The following TBC1D19 variants were observed in gnomAD, a reference collection of about 807,000 sequenced individuals.
TBC1D19 encodes TBC1 domain family member 19.
In TBC1D19, 60 loss-of-function variants were observed where a neutral mutation model predicts 89.0. That is an observed-to-expected ratio of 0.67 (90% CI 0.55 to 0.84). TBC1D19 has a LOEUF of 0.84. Among genes scored for constraint, TBC1D19 ranks in the 40% least tolerant of loss-of-function variants. The pLI is 0.00. For synonymous variants in TBC1D19, 189 were observed against 199.7 expected (o/e 0.95, Z 0.45); for missense variants, 500 against 610.8 (o/e 0.82, Z 1.91).
chr4:26,631,949 A>G (rs1372640293), intron 4 of TBC1D19, among the ~76,000 whole-genome samples: 1 of 152,014 alleles, frequency 6.6e-6, no homozygotes, highest in Non-Finnish European at 1.5e-5. Context: ...AGAGTTGGTA[A>G]ATTGAAATTC....
intron 1 of TBC1D19, among the ~76,000 whole-genome samples, chr4:26,593,384 C>G (rs1169815975): frequency 2.6e-5 from 4 of 152,150 alleles, no homozygotes. Flanking sequence ...AGCATAAAAA[C>G]CCTAGAAGAA....
At chr4:26,661,885 T>C (rs1422677149) in intron 8 of TBC1D19, among the ~76,000 whole-genome samples, 1 of 152,128 alleles carries the variant, frequency 6.6e-6, no homozygotes, top group African/African-American at 2.4e-5. Flanking sequence ...AGGCACAACA[T>C]AGGGAAGTCT....
intron 9 of TBC1D19, 46 bp downstream of exon 9, chr4:26,666,451 A>C (rs1711817598): frequency 6.6e-7 from 1 of 1,512,878 alleles, no homozygotes; most frequent in East Asian, 2.3e-5. Flanking sequence ...AATGAGAGTG[A>C]GCCTAAGGTT....
chr4:26,748,404 C>T lies in TBC1D19; in HGVS notation c.1320-7C>T. 1 of 1,603,078 alleles carries T rather than the reference C, an allele frequency of 6.2e-7. No individual in the cohort carries two copies. Among genetic ancestry groups the T allele is most frequent in the African/African-American group, 1.3e-5 (1 of 74,688 alleles). On this transcript the variant is annotated splice_polypyrimidine_tract_variant and splice_region_variant and intron_variant, in intron 18 of 20. Transcript: ENST00000264866. ...GTACATTAATTTTTATTTTTCCTTG[C>T]TTATAGACTTCGCATATCATTTAAG...
chr4:26,835,781 T>C, the TBC1D19 span, among the ~76,000 whole-genome samples: 2 of 152,208 alleles, frequency 1.3e-5, no homozygotes, highest in Non-Finnish European at 1.5e-5. Context: ...ACGTTTCTAC[T>C]ATAAACCTTC....
chr4:26,745,932 G>C (rs570532932), intron 18 of TBC1D19, among the ~76,000 whole-genome samples: 45 of 152,150 alleles, frequency 3.0e-4, no homozygotes, highest in Admixed American at 1.1e-3. Context: ...TTTTTCTGTG[G>C]CTACTGTCAA....
At chr4:26,784,856 T>C in the TBC1D19 span, among the ~76,000 whole-genome samples, 1 of 152,212 alleles carries the variant, frequency 6.6e-6, no homozygotes, top group Non-Finnish European at 1.5e-5. Flanking sequence ...AAAACTGCCA[T>C]GATATACATT....
At chr4:26,706,088 A>C (rs1715719848) in intron 13 of TBC1D19, among the ~76,000 whole-genome samples, 1 of 152,088 alleles carries the variant, frequency 6.6e-6, no homozygotes, top group South Asian at 2.1e-4. Context: ...CAATTTTTTG[A>C]AAAGTTTGAG....
At chr4:26,800,294 C>T in the TBC1D19 span, among the ~76,000 whole-genome samples, 3 of 152,060 alleles carry the variant, frequency 2.0e-5, no homozygotes, top group South Asian at 2.1e-4. Context: ...CTGAGAATGA[C>T]GGTTTCCAGT....
At chr4:26,628,113 A>T (rs1173494267) in intron 4 of TBC1D19, among the ~76,000 whole-genome samples, 1 of 152,184 alleles carries the variant, frequency 6.6e-6, no homozygotes, top group Non-Finnish European at 1.5e-5. Flanking sequence ...ATGGCTAGCC[A>T]GTTTTCCCAG....
the TBC1D19 span, among the ~76,000 whole-genome samples, chr4:26,792,556 A>G: frequency 6.6e-6 from 1 of 152,256 alleles, no homozygotes; most frequent in Non-Finnish European, 1.5e-5. Flanking sequence ...GGAAAAGTAT[A>G]TCTTAATTGT....
intron 1 of TBC1D19, among the ~76,000 whole-genome samples, chr4:26,592,496 G>T (rs1432957090): frequency 6.6e-6 from 1 of 151,730 alleles, no homozygotes; most frequent in Non-Finnish European, 1.5e-5. Flanking sequence ...AGGGCAATCA[G>T]GCAGGTTAAA....
chr4:26,763,944 C>A, the TBC1D19 span, among the ~76,000 whole-genome samples: 1 of 152,196 alleles, frequency 6.6e-6, no homozygotes, highest in Admixed American at 6.5e-5. Flanking sequence ...CTTTGCTGAA[C>A]TTACTACTTC....
At chr4:26,759,508 G>T (rs904616143), downstream of TBC1D19, among the ~76,000 whole-genome samples, 1 of 151,948 alleles carries the variant, frequency 6.6e-6, no homozygotes, top group Admixed American at 6.6e-5. Flanking sequence ...TGCATTTTAA[G>T]TGTACAGTTC....
At chr4:26,671,473 T>C (rs1712296912) in intron 9 of TBC1D19, among the ~76,000 whole-genome samples, 1 of 151,884 alleles carries the variant, frequency 6.6e-6, no homozygotes, top group Non-Finnish European at 1.5e-5. Context: ...TCTTCCACTG[T>C]GTTACTTACA....
chr4:26,764,357 T>C, the TBC1D19 span, among the ~76,000 whole-genome samples: 1 of 152,154 alleles, frequency 6.6e-6, no homozygotes, highest in Non-Finnish European at 1.5e-5. Flanking sequence ...CCCTGAGCTT[T>C]ACAGAGTCCA....
chr4:26,814,030 C>T, the TBC1D19 span, among the ~76,000 whole-genome samples: 4 of 152,206 alleles, frequency 2.6e-5, no homozygotes, highest in African/African-American at 9.6e-5. Flanking sequence ...GTAACTGCTC[C>T]CCACTCTTGC....
chr4:26,674,881 A>C (rs1004681205), intron 11 of TBC1D19, among the ~76,000 whole-genome samples: 2 of 152,040 alleles, frequency 1.3e-5, no homozygotes, highest in African/African-American at 4.8e-5. Context: ...AAATATTATT[A>C]ATATTGTTAT....
the TBC1D19 span, among the ~76,000 whole-genome samples, chr4:26,802,661 T>C: frequency 4.4e-4 from 67 of 152,244 alleles, 1 homozygote; most frequent in South Asian, 0.014. Flanking sequence ...TAAAGCAAGA[T>C]ACAGAAAAAA....
Sources: allele counts gnomAD v4.1 joint callset (sites outside exome capture counted in the v4.1 genomes callset), GRCh38; gene constraint gnomAD v4.1.1; transcripts MANE v1.5; gene names NCBI Gene and HGNC (gene_info 2026-07-23, HGNC 2026-07-21).